Variants in LRRC49 observed in about 807,000 individuals in gnomAD.
LRRC49 encodes leucine-rich repeat-containing protein 49.
In LRRC49, 50 loss-of-function variants were observed where a neutral mutation model predicts 83.3. The observed-to-expected ratio is 0.60, with a 90% CI of 0.48 to 0.76. The LOEUF (loss-of-function observed/expected upper bound fraction) is 0.76, where lower values mean the gene tolerates loss of function less well. Among genes scored for constraint, LRRC49 ranks in the 30% least tolerant of loss-of-function variants. LRRC49 has a pLI of 0.00. For missense variants in LRRC49, 704 were observed against 809.1 expected, an observed-to-expected ratio of 0.87 and a Z score of 1.58; for synonymous variants, 286 against 283.3, an observed-to-expected ratio of 1.01 and a Z score of -0.10.
intron 8 of LRRC49, among the ~76,000 whole-genome samples, chr15:70,947,049 T>C (rs2036035099): frequency 6.6e-6 from 1 of 152,204 alleles, no homozygotes; most frequent in East Asian, 1.9e-4. Context: ...AATATTTTTC[T>C]GCTAGTTTCT....
chr15:71,009,647 AAG>A, intron 12 of LRRC49, 158 bp from the exon 13 acceptor site: 1 of 502,586 alleles, frequency 2.0e-6, no homozygotes. Context: ...AAAGTTATGT[AAG>A]TTTAGTACAT....
At chr15:70,948,532 G>T (rs2036094875) in intron 8 of LRRC49, among the ~76,000 whole-genome samples, 1 of 150,888 alleles carries the variant, frequency 6.6e-6, no homozygotes, top group Admixed American at 6.6e-5. Flanking sequence ...AACAAAAGAG[G>T]GATGTAATCC....
At chr15:70,891,148 G>A (rs2033548414), upstream of LRRC49, among the ~76,000 whole-genome samples, 2 of 152,164 alleles carry the variant, frequency 1.3e-5, no homozygotes, top group Admixed American at 6.5e-5. Flanking sequence ...TCACAAGGAA[G>A]GCTGGAAAGT....
chr15:70,891,532 A>C (rs982165482), upstream of LRRC49, among the ~76,000 whole-genome samples: 7 of 151,616 alleles, frequency 4.6e-5, no homozygotes, highest in African/African-American at 1.2e-4. Flanking sequence ...TGGAGCAGCG[A>C]GTGAAAGCAA....
In LRRC49 at chr15:71,048,602, T is replaced by C. The variant is rs531600979; in HGVS notation, c.1858-807T>C. 4.6e-5 allele frequency among the ~76,000 whole-genome samples: 7 copies of C among 152,344 alleles called. No individual in the cohort carries two copies. The East Asian group carries it at 1.2e-3, about 25-fold the overall frequency. ...TACATTGATTCTTCCATGTATATTA[T>C]ACATTCCATGATTATGCCTTGATAC... On this transcript the variant is annotated intron_variant, in intron 15 of 15. Transcript: ENST00000260382.
rs564610609 is a variant in LRRC49 at position 70,990,598 on chromosome 15, A to G, written c.1169+6341A>G. ...CCCCTTGCACTTCCCAAGTGAGGCAATGCCTCACCCTGCTTCGGCTCATGC... is the reference window on the plus strand; with the variant it reads ...CCCCTTGCACTTCCCAAGTGAGGCAGTGCCTCACCCTGCTTCGGCTCATGC... On this transcript the variant is annotated intron_variant, in intron 11 of 15. Transcript: ENST00000260382. Among the ~76,000 whole-genome samples, 55 of 152,288 alleles carry G rather than the reference A, an allele frequency of 3.6e-4. 1 individual carries two copies. The highest frequency in any genetic ancestry group is 4.4e-5 in the Non-Finnish European group (3 of 68,016).
At chr15:71,018,562 T>C (rs2038899031) in intron 14 of LRRC49, among the ~76,000 whole-genome samples, 2 of 152,122 alleles carry the variant, frequency 1.3e-5, no homozygotes, top group Non-Finnish European at 2.9e-5. Context: ...GACACAAAGC[T>C]CTTAGAACCG....
intron 7 of LRRC49, among the ~76,000 whole-genome samples, chr15:70,922,133 C>CT (rs2035029684): frequency 1.3e-5 from 2 of 152,082 alleles, no homozygotes; most frequent in Non-Finnish European, 2.9e-5. Context: ...CTAAAAAAAA[C>CT]TAAAAATTGA....
Position 71,037,281 on chromosome 15 carries a change from T to C in LRRC49, c.1806T>C (p.Asn602=), listed in dbSNP as rs911019981. 6.2e-7 allele frequency: 1 copy of C among 1,609,658 alleles called. No homozygotes were observed. Among genetic ancestry groups the C allele is most frequent in the Middle Eastern group, 1.7e-4 (1 of 6,026 alleles). The stretch of plus-strand genomic sequence containing the variant: ...AAAGACTTGTAGGAGAAAACACAAA[T>C]CGTGCTACATTAAATTATACTACAA... ...DSKRLVGENT[N]RATLNYTTRD... Residue 602 remains asparagine (N), a synonymous_variant, in exon 15 of 16, where the codon AAT becomes AAC. Coordinates refer to ENST00000260382, the MANE Select transcript of LRRC49 (RefSeq NM_017691.5).
intron 9 of LRRC49, among the ~76,000 whole-genome samples, chr15:70,965,739 T>G (rs1434953862): frequency 6.6e-6 from 1 of 152,186 alleles, no homozygotes; most frequent in Non-Finnish European, 1.5e-5. Context: ...TAGGATGATT[T>G]CTGCCAAGCT....
chr15:71,012,953 T>TA, intron 14 of LRRC49, 40 bp downstream of exon 14: 1 of 1,264,376 alleles, frequency 7.9e-7, no homozygotes, highest in South Asian at 1.3e-5. Context: ...GAATTACTGT[T>TA]ACACTAGAAA....
At chr15:70,855,997 C>T (rs983647229) in intron 1 of LRRC49, among the ~76,000 whole-genome samples, 4 of 152,176 alleles carry the variant, frequency 2.6e-5, no homozygotes, top group African/African-American at 9.7e-5. Flanking sequence ...CATTATCTAT[C>T]TCATTTAAGC....
chr15:70,954,523 G>T, intron 8 of LRRC49, among the ~76,000 whole-genome samples: 1 of 152,176 alleles, frequency 6.6e-6, no homozygotes, highest in East Asian at 1.9e-4. Context: ...AGTTGCCAGA[G>T]TTCTTGTGCT....
At chr15:71,021,226 T>C (rs565980756) in intron 14 of LRRC49, among the ~76,000 whole-genome samples, 1 of 152,344 alleles carries the variant, frequency 6.6e-6, no homozygotes, top group South Asian at 2.1e-4. Flanking sequence ...TAAAATACAC[T>C]GCAACAGAAG....
At chr15:71,045,887 C>G (rs1375250392) in intron 15 of LRRC49, among the ~76,000 whole-genome samples, 1 of 152,080 alleles carries the variant, frequency 6.6e-6, no homozygotes, top group Admixed American at 6.6e-5. Flanking sequence ...TTATGTTGTT[C>G]CCATCTTCCA....
intron 1 of LRRC49, among the ~76,000 whole-genome samples, chr15:70,872,246 C>T (rs1348933161): frequency 6.6e-6 from 1 of 152,232 alleles, no homozygotes; most frequent in Non-Finnish European, 1.5e-5. Context: ...AATACAAAAA[C>T]CAATCAGGCG....
At chr15:70,883,847 T>C (rs2033332549) in intron 2 of LRRC49, among the ~76,000 whole-genome samples, 1 of 150,554 alleles carries the variant, frequency 6.6e-6, no homozygotes, top group Non-Finnish European at 1.5e-5. Context: ...GTAGAGACAA[T>C]GTTTCACCAT....
chr15:70,970,942 G>A (rs1351160191), intron 9 of LRRC49, among the ~76,000 whole-genome samples: 2 of 152,040 alleles, frequency 1.3e-5, no homozygotes, highest in Non-Finnish European at 2.9e-5. Flanking sequence ...TCAGCTCCTG[G>A]ATTCATTGAT....
chr15:71,033,457 A>G (rs1306682796), intron 14 of LRRC49, among the ~76,000 whole-genome samples: 3 of 152,208 alleles, frequency 2.0e-5, no homozygotes, highest in African/African-American at 7.2e-5. Flanking sequence ...AAATGGCCAT[A>G]CTGCCCAAAG....
Sources: gnomAD v4.1 joint callset for allele counts (sites outside exome capture counted in the v4.1 genomes callset) on GRCh38, gnomAD v4.1.1 for gene constraint, MANE v1.5 for transcripts, NCBI Gene and HGNC (gene_info 2026-07-23, HGNC 2026-07-21) for gene names.